MYOF: variants seen among roughly 807,000 people sequenced by gnomAD.
MYOF encodes myoferlin, also known as fer-1-like 3, myoferlin.
In MYOF, 244 loss-of-function variants were observed where a neutral mutation model predicts 284.2. The observed-to-expected ratio is 0.86, with a 90% CI of 0.77 to 0.95. The LOEUF (loss-of-function observed/expected upper bound fraction) is 0.95, where lower values mean the gene tolerates loss of function less well. MYOF is among the 40% of genes least tolerant of loss of function. The pLI is 0.00. For synonymous variants in MYOF, 904 were observed against 919.7 expected (o/e 0.98, Z 0.31); for missense variants, 2,496 against 2,560.6 (o/e 0.97, Z 0.54).
At chr10:93,393,075 A>G in intron 16 of MYOF, 120 bp from the exon 17 acceptor site, 1 of 836,554 alleles carries the variant, frequency 1.2e-6, no homozygotes, top group Non-Finnish European at 2.0e-6. Context: ...GAAAAATCCC[A>G]AATTCAGACC....
At chr10:93,452,902 A>G (rs2056635514) in intron 2 of MYOF, among the ~76,000 whole-genome samples, 1 of 151,988 alleles carries the variant, frequency 6.6e-6, no homozygotes, top group African/African-American at 2.4e-5. Flanking sequence ...GCTATAATAT[A>G]CCGACCTTTC....
intron 19 of MYOF, 107 bp downstream of exon 19, chr10:93,387,690 G>A: frequency 1.2e-6 from 1 of 813,950 alleles, no homozygotes. Context: ...ACATCCAGAT[G>A]AGGGCCTCAT....
intron 5 of MYOF, among the ~76,000 whole-genome samples, chr10:93,412,575 T>C (rs1649694468): frequency 6.6e-6 from 1 of 152,172 alleles, no homozygotes; most frequent in Non-Finnish European, 1.5e-5. Context: ...CACACATTGT[T>C]CTTTCTAGTC....
At chr10:93,307,211 C>A (rs1054794457) in intron 53 of MYOF, among the ~76,000 whole-genome samples, 2 of 151,746 alleles carry the variant, frequency 1.3e-5, no homozygotes, top group Non-Finnish European at 2.9e-5. Flanking sequence ...GTTGTTGCAA[C>A]CAAAATGTCT....
chr10:93,343,597 G>A (rs778403950), intron 38 of MYOF, among the ~76,000 whole-genome samples: 66 of 152,274 alleles, frequency 4.3e-4, no homozygotes, highest in African/African-American at 1.5e-3. Context: ...TTGGGAGGTG[G>A]GGCCTGGGCA....
chr10:93,422,308 C>T (rs183905777), intron 5 of MYOF, among the ~76,000 whole-genome samples: 113 of 152,278 alleles, frequency 7.4e-4, no homozygotes, highest in East Asian at 4.8e-3. Flanking sequence ...AAAGAACTTC[C>T]GTGGGAGAGC....
At chr10:93,396,014 C>T in intron 16 of MYOF, 128 bp downstream of exon 16, 1 of 593,364 alleles carries the variant, frequency 1.7e-6, no homozygotes, top group Admixed American at 2.9e-5. Flanking sequence ...AAATGGTTCA[C>T]TAGGTTCATC....
intron 38 of MYOF, 176 bp from the exon 39 acceptor site, chr10:93,340,340 T>A: frequency 1.6e-6 from 1 of 631,136 alleles, no homozygotes. Flanking sequence ...TAAGTCAGGA[T>A]GAGCCCACAA....
intron 24 of MYOF, among the ~76,000 whole-genome samples, chr10:93,372,269 C>A (rs1845628667): frequency 6.6e-6 from 1 of 152,158 alleles, no homozygotes; most frequent in African/African-American, 2.4e-5. Context: ...CGGCCCTAGG[C>A]TCACCTTTGA....
chr10:93,426,304 G>A, intron 4 of MYOF, 146 bp from the exon 5 acceptor site: 1 of 751,316 alleles, frequency 1.3e-6, no homozygotes, highest in South Asian at 1.9e-5. Flanking sequence ...ACGGGGAGAG[G>A]GACACAAGCT....
At chr10:93,336,900 AGAAGAAAG>A (rs1410398964) in intron 40 of MYOF, among the ~76,000 whole-genome samples, 2 of 109,606 alleles carry the variant, frequency 1.8e-5, no homozygotes, top group Non-Finnish European at 4.1e-5. Context: ...GGAAGGAAAG[AGAAGAAAG>A]GAAGGAAGGG....
intron 5 of MYOF, among the ~76,000 whole-genome samples, chr10:93,423,914 G>C (rs1392405968): frequency 1.3e-5 from 2 of 151,778 alleles, no homozygotes; most frequent in African/African-American, 4.8e-5. Context: ...CTATATCCTA[G>C]AGGGGAAAAA....
At chr10:93,358,786 CTG>C (rs1363906557) in intron 29 of MYOF, among the ~76,000 whole-genome samples, 2 of 152,122 alleles carry the variant, frequency 1.3e-5, no homozygotes, top group African/African-American at 4.8e-5. Flanking sequence ...ACAACACACA[CTG>C]GGGCCGGCGG....
At chr10:93,459,810 T>G (rs2056832748) in intron 1 of MYOF, among the ~76,000 whole-genome samples, 1 of 152,178 alleles carries the variant, frequency 6.6e-6, no homozygotes, top group Non-Finnish European at 1.5e-5. Flanking sequence ...CTCATCAGAT[T>G]CTCAAATGTG....
chr10:93,480,510 C>G (rs1372955760), intron 1 of MYOF, among the ~76,000 whole-genome samples: 1 of 107,740 alleles, frequency 9.3e-6, no homozygotes, highest in East Asian at 3.2e-4. Context: ...GAGTCTCACT[C>G]TGTTGCCCAG....
intron 30 of MYOF, among the ~76,000 whole-genome samples, 158 bp downstream of exon 30, chr10:93,356,517 A>G (rs1268664814): frequency 6.6e-6 from 1 of 152,196 alleles, no homozygotes; most frequent in Non-Finnish European, 1.5e-5. Context: ...CGAGGTATTG[A>G]GCACCCAGGA....
intron 1 of MYOF, among the ~76,000 whole-genome samples, chr10:93,458,054 C>T (rs994305172): frequency 6.6e-6 from 1 of 151,992 alleles, no homozygotes; most frequent in Non-Finnish European, 1.5e-5. Context: ...TTCATCTAAT[C>T]TTAAAAACCT....
intron 19 of MYOF, among the ~76,000 whole-genome samples, chr10:93,384,658 AAAAAG>A (rs1322786519): frequency 1.1e-4 from 16 of 152,112 alleles, no homozygotes; most frequent in Admixed American, 4.6e-4. Flanking sequence ...AAAAAAAAAA[AAAAAG>A]AAGAATGTAA....
intron 1 of MYOF, among the ~76,000 whole-genome samples, chr10:93,478,554 C>T (rs1208127043): frequency 6.6e-6 from 1 of 152,014 alleles, no homozygotes; most frequent in Non-Finnish European, 1.5e-5. Context: ...CGGTTGAACA[C>T]AACTGGGCGC....
Sources: gnomAD v4.1 joint callset for allele counts (sites outside exome capture counted in the v4.1 genomes callset) on GRCh38, gnomAD v4.1.1 for gene constraint, MANE v1.5 for transcripts, NCBI Gene and HGNC (gene_info 2026-07-23, HGNC 2026-07-21) for gene names.